The following RAPH1 variants were observed in gnomAD, a reference collection of about 807,000 sequenced individuals.
The protein encoded by RAPH1 is Ras association (RalGDS/AF-6) and pleckstrin homology domains 1.
A neutral mutation model predicts 88.1 loss-of-function variants in RAPH1; 18 were observed. That is an observed-to-expected ratio of 0.20 (90% CI 0.14 to 0.30). The LOEUF is 0.30. Ranked by LOEUF, RAPH1 falls within the 10% of genes least tolerant of loss-of-function variation. The probability of loss-of-function intolerance (pLI) is 1.00; values close to 1 mark genes in which losing one functional copy is unlikely to be tolerated. For synonymous variants in RAPH1, 587 were observed against 559.0 expected (o/e 1.05, Z -0.71); for missense variants, 1,448 against 1,543.2 (o/e 0.94, Z 1.03).
intron 4 of RAPH1, among the ~76,000 whole-genome samples, chr2:203,473,303 C>A (rs1309469677): frequency 6.6e-6 from 1 of 151,994 alleles, no homozygotes; most frequent in Non-Finnish European, 1.5e-5. Context: ...AAAGTATCTT[C>A]TTCCAATTGG....
chr2:203,461,500 G>GT, intron 5 of RAPH1, 92 bp from the exon 6 acceptor site: 1 of 948,602 alleles, frequency 1.1e-6, no homozygotes, highest in Non-Finnish European at 1.5e-6. Flanking sequence ...TTGGATTAAT[G>GT]TATTTGTATA....
At chr2:203,486,944 C>G (rs1448851747) in intron 4 of RAPH1, among the ~76,000 whole-genome samples, 3 of 152,166 alleles carry the variant, frequency 2.0e-5, no homozygotes, top group African/African-American at 7.2e-5. Flanking sequence ...ACATTAAACT[C>G]TTATATTAAA....
At chr2:203,465,241 A>G (rs1176023456) in intron 4 of RAPH1, among the ~76,000 whole-genome samples, 1 of 152,240 alleles carries the variant, frequency 6.6e-6, no homozygotes, top group Admixed American at 6.5e-5. Flanking sequence ...TGGAAGCAAC[A>G]AAGACGTCAC....
intron 8 of RAPH1, 120 bp from the exon 9 acceptor site, chr2:203,455,700 A>T: frequency 3.3e-6 from 3 of 915,326 alleles, no homozygotes; most frequent in Non-Finnish European, 5.0e-6. Context: ...ATTAAAACCA[A>T]GCTGCTAATT....
At chr2:203,452,277 A>G (rs1215518898) in intron 10 of RAPH1, among the ~76,000 whole-genome samples, 1 of 152,212 alleles carries the variant, frequency 6.6e-6, no homozygotes, top group Non-Finnish European at 1.5e-5. Flanking sequence ...GACACTTGAA[A>G]AACAGCAGGT....
At chr2:203,506,744 A>ATATATATATATCTATATATATATC (rs1559494038) in intron 1 of RAPH1, among the ~76,000 whole-genome samples, 24 of 108,492 alleles carry the variant, frequency 2.2e-4, no homozygotes, top group African/African-American at 1.0e-3. Context: ...ATATATATCT[A>ATATATATATATCTATATATATATC]TATATATATA....
intron 4 of RAPH1, among the ~76,000 whole-genome samples, chr2:203,471,047 T>C (rs2098532666): frequency 6.6e-6 from 1 of 152,234 alleles, no homozygotes; most frequent in African/African-American, 2.4e-5. Context: ...ATTCTCCCCT[T>C]AACTTTTCAG....
intron 1 of RAPH1, among the ~76,000 whole-genome samples, chr2:203,509,278 C>CGTT: frequency 6.6e-6 from 1 of 151,878 alleles, no homozygotes; most frequent in East Asian, 1.9e-4. Flanking sequence ...CCATGTTGTT[C>CGTT]TCAAACCCCT....
intron 1 of RAPH1, among the ~76,000 whole-genome samples, chr2:203,526,706 C>CAAAA (rs34932665): frequency 3.7e-4 from 30 of 80,574 alleles, no homozygotes; most frequent in Non-Finnish European, 5.1e-4. Context: ...AACTCTGTCT[C>CAAAA]AAAAAAAAAA....
rs1045436830 is a variant in RAPH1, at chr2:203,434,548, G to C, written c.*4889C>G. ...CCAGTTAATGCTTATTTTCTAGAAG[G>C]GGTTATTTTACAAGTAGCAAAAAAA... On this transcript the variant is annotated 3_prime_UTR_variant, in exon 14 of 14. Coordinates refer to ENST00000319170, the MANE Select transcript of RAPH1 (RefSeq NM_213589.3). 1.3e-5 allele frequency: 2 copies of C among 149,440 alleles called. No homozygotes were observed. Among genetic ancestry groups the C allele is most frequent in the African/African-American group, 5.1e-5 (2 of 39,360 alleles). The allele number at this position is 149,440 out of a possible 1,614,324, so 9.3% of individuals were successfully genotyped here.
intron 7 of RAPH1, among the ~76,000 whole-genome samples, chr2:203,459,526 T>C (rs1455233897): frequency 6.6e-6 from 1 of 152,200 alleles, no homozygotes; most frequent in African/African-American, 2.4e-5. Flanking sequence ...GTCAACTGGA[T>C]AAATGGCTGG....
chr2:203,444,024 G>GAAGGAAGGA (rs1253255786), intron 13 of RAPH1: 1 of 126,190 alleles, frequency 7.9e-6, no homozygotes, highest in South Asian at 3.1e-4. Flanking sequence ...GGGATGGGGA[G>GAAGGAAGGA]AAGGAAGGAA....
chr2:203,490,928 C>T (rs1688230731), intron 3 of RAPH1, among the ~76,000 whole-genome samples: 1 of 151,488 alleles, frequency 6.6e-6, no homozygotes, highest in South Asian at 2.1e-4. Flanking sequence ...CCTGTAATCC[C>T]AGCTACTCGG....
At chr2:203,501,993 C>T (rs1271043667) in intron 1 of RAPH1, among the ~76,000 whole-genome samples, 1 of 152,164 alleles carries the variant, frequency 6.6e-6, no homozygotes, top group Admixed American at 6.5e-5. Flanking sequence ...TCTTGATTAA[C>T]AAATTCTCTA....
chr2:203,531,394 T>C (rs562721414), intron 1 of RAPH1, among the ~76,000 whole-genome samples: 2 of 145,916 alleles, frequency 1.4e-5, no homozygotes, highest in South Asian at 4.2e-4. Flanking sequence ...CATCAGAACT[T>C]GAAGTATAAA....
At chr2:203,507,782 A>C (rs1689152605) in intron 1 of RAPH1, among the ~76,000 whole-genome samples, 1 of 152,226 alleles carries the variant, frequency 6.6e-6, no homozygotes, top group Non-Finnish European at 1.5e-5. Flanking sequence ...GAAAATATCT[A>C]AACATAGCCA....
intron 4 of RAPH1, among the ~76,000 whole-genome samples, chr2:203,489,153 A>G (rs1384676762): frequency 1.4e-5 from 2 of 147,180 alleles, no homozygotes; most frequent in African/African-American, 5.0e-5. Context: ...AAAAAAGGAG[A>G]AAAAAAAAAA....
At chr2:203,488,983 G>A (rs1688117766) in intron 4 of RAPH1, among the ~76,000 whole-genome samples, 1 of 152,094 alleles carries the variant, frequency 6.6e-6, no homozygotes, top group African/African-American at 2.4e-5. Flanking sequence ...AATTAGCTGG[G>A]CATGGTGGTG....
intron 12 of RAPH1, chr2:203,446,281 G>A (rs569367863): frequency 6.6e-6 from 1 of 152,270 alleles, no homozygotes; most frequent in African/African-American, 2.4e-5. Flanking sequence ...CTCTTGATTA[G>A]TCTGTTTATG....
Sources: allele counts gnomAD v4.1 joint callset (sites outside exome capture counted in the v4.1 genomes callset), GRCh38; gene constraint gnomAD v4.1.1; transcripts MANE v1.5; gene names NCBI Gene and HGNC (gene_info 2026-07-23, HGNC 2026-07-21).